Variants in DOCK8 observed in about 807,000 individuals in gnomAD.
The protein encoded by DOCK8 is dedicator of cytokinesis 8.
DOCK8 carries 141 observed loss-of-function variants against 245.6 expected under a neutral mutation model. The ratio of observed to expected loss-of-function variants is 0.57; its 90% CI spans 0.50 to 0.66. DOCK8 has a LOEUF of 0.66. Among genes scored for constraint, DOCK8 ranks in the 30% least tolerant of loss-of-function variants. The pLI is 0.00. For synonymous variants in DOCK8, 1,168 were observed against 970.2 expected, an observed-to-expected ratio of 1.20 and a Z score of -3.79; for missense variants, 2,965 against 2,603.4, an observed-to-expected ratio of 1.14 and a Z score of -3.02.
chr9:271,579 A>G, intron 1 of DOCK8, 48 bp from the exon 2 acceptor site: 2 of 1,384,362 alleles, frequency 1.4e-6, no homozygotes, highest in Non-Finnish European at 2.0e-6. Flanking sequence ...AATTGTGATG[A>G]TTTCCTAAAA....
chr9:426,823 C>T lies in DOCK8; in HGVS notation c.4242-62C>T, dbSNP rs545554442. The T allele has an allele frequency of 1.2e-4, 154 of 1,324,456 alleles. No individual in the cohort carries two copies. In the African/African-American group the frequency reaches 2.0e-3, roughly 17 times the overall value. 82.0% of individuals were successfully genotyped at this position (1,324,456 alleles called of 1,614,324 possible). A position where few individuals can be genotyped will look rare whatever the true frequency, so the allele number is the denominator to read the frequency against. ...TCTTTACACCTTGGTGTATAGATTG[C>T]CATCATGGGAACCTGGCCAGGTTTG... On this transcript the variant is annotated intron_variant, in intron 33 of 47. Transcript: ENST00000432829.
chr9:413,774 G>T (rs2055862857), intron 28 of DOCK8, among the ~76,000 whole-genome samples: 1 of 152,178 alleles, frequency 6.6e-6, no homozygotes, highest in African/African-American at 2.4e-5. Context: ...ATAAAATGGA[G>T]TCTTCAGACA....
At chr9:315,197 G>C (rs1464638129) in intron 6 of DOCK8, among the ~76,000 whole-genome samples, 5 of 152,136 alleles carry the variant, frequency 3.3e-5, no homozygotes, top group African/African-American at 1.2e-4. Context: ...GTAAATGAAA[G>C]AATATCATCT....
chr9:444,753 T>G, intron 43 of DOCK8, among the ~76,000 whole-genome samples: 1 of 152,136 alleles, frequency 6.6e-6, no homozygotes, highest in Admixed American at 6.5e-5. Context: ...ACTGAGGAAA[T>G]TCTAAGTGTT....
chr9:254,304 G>A (rs1029583065), intron 1 of DOCK8, among the ~76,000 whole-genome samples: 19 of 152,178 alleles, frequency 1.2e-4, no homozygotes, highest in African/African-American at 4.6e-4. Context: ...GGACTCTGCA[G>A]ATAATATGAG....
At chr9:462,827 T>G (rs1408786768) in intron 46 of DOCK8, among the ~76,000 whole-genome samples, 1 of 152,228 alleles carries the variant, frequency 6.6e-6, no homozygotes, top group African/African-American at 2.4e-5. Flanking sequence ...AGTGAGTTTT[T>G]TGTAAGTGTA....
intron 2 of DOCK8, among the ~76,000 whole-genome samples, chr9:276,383 A>G (rs1026969252): frequency 6.6e-6 from 1 of 152,214 alleles, no homozygotes; most frequent in East Asian, 1.9e-4. Context: ...GATGAGAGGA[A>G]GGGTGTATGT....
At chr9:408,026 G>T (rs529748828) in intron 28 of DOCK8, among the ~76,000 whole-genome samples, 12 of 152,258 alleles carry the variant, frequency 7.9e-5, no homozygotes, top group African/African-American at 2.2e-4. Context: ...TCCCTTCCCA[G>T]GACCCACTCT....
Position 418,185 on chromosome 9 carries a change from G to A in DOCK8, c.3818G>A (p.Ser1273Asn), listed in dbSNP as rs755259505. Residue 1273 changes from serine to asparagine, a missense_variant, in exon 30 of 48, where the codon AGT (serine) becomes AAT (asparagine). Coordinates refer to ENST00000432829, the MANE Select transcript of DOCK8 (RefSeq NM_203447.4). ...GGGAATAATTTCAATTTGAAAACAA[G>A]TGGAATAGTGCTGTCTTCCTTGGTA... ...IAGNNFNLKTSGIVLSSLPYK... is the reference protein window; with the variant it reads ...IAGNNFNLKTNGIVLSSLPYK... The A allele has an allele frequency of 1.2e-6, 2 of 1,614,232 alleles. No individual in the cohort carries two copies. Among genetic ancestry groups the A allele is most frequent in the South Asian group, 1.1e-5 (1 of 91,090 alleles).
At chr9:218,164 G>C (rs867754743) in intron 1 of DOCK8, among the ~76,000 whole-genome samples, 2 of 152,058 alleles carry the variant, frequency 1.3e-5, no homozygotes, top group Non-Finnish European at 2.9e-5. Flanking sequence ...CCAAAAGTAA[G>C]ACTGTGTTGA....
chr9:280,938 A>T (rs1363757812), intron 2 of DOCK8: 1 of 152,238 alleles, frequency 6.6e-6, no homozygotes, highest in Admixed American at 6.5e-5. Context: ...TTGCATTTGC[A>T]GTCTTAAGTA....
At chr9:367,317 C>T (rs2053053699) in intron 14 of DOCK8, among the ~76,000 whole-genome samples, 1 of 152,156 alleles carries the variant, frequency 6.6e-6, no homozygotes, top group Non-Finnish European at 1.5e-5. Context: ...TGTTCTAGTG[C>T]TGGAGATACA....
chr9:401,560 G>A (rs1323446238), intron 26 of DOCK8, among the ~76,000 whole-genome samples: 1 of 152,046 alleles, frequency 6.6e-6, no homozygotes, highest in Non-Finnish European at 1.5e-5. Context: ...GATTTTATGG[G>A]GTCTGCAAAG....
intron 26 of DOCK8, among the ~76,000 whole-genome samples, chr9:400,949 ACCACCACCACCACCACCTCCT>A (rs1306867590): frequency 7.6e-4 from 86 of 113,452 alleles, no homozygotes; most frequent in South Asian, 5.0e-3. Flanking sequence ...CACCACCATC[ACCACCACCACCACCACCTCCT>A]CCACCATCAC....
chr9:262,207 G>T (rs9408082), intron 1 of DOCK8, among the ~76,000 whole-genome samples: 2 of 151,652 alleles, frequency 1.3e-5, no homozygotes, highest in African/African-American at 4.8e-5. Context: ...AACATGTCTA[G>T]TATAATGGCT....
At chr9:270,115 C>T (rs1587695672) in intron 1 of DOCK8, among the ~76,000 whole-genome samples, 1 of 152,194 alleles carries the variant, frequency 6.6e-6, no homozygotes, top group Non-Finnish European at 1.5e-5. Context: ...CTGCATTTCC[C>T]ATTTCCCTCA....
At chr9:340,423 C>G (rs2051527024) in intron 14 of DOCK8, 102 bp downstream of exon 14, 12 of 1,463,654 alleles carry the variant, frequency 8.2e-6, no homozygotes, top group African/African-American at 1.4e-5. Context: ...GAGTTTGAGA[C>G]CAGCCTTGGC....
At chr9:434,252 A>C (rs2056817944) in intron 38 of DOCK8, among the ~76,000 whole-genome samples, 1 of 152,198 alleles carries the variant, frequency 6.6e-6, no homozygotes, top group Admixed American at 6.5e-5. Flanking sequence ...GAATCAGAGA[A>C]AGAATAATTA....
intron 1 of DOCK8, among the ~76,000 whole-genome samples, chr9:220,088 G>A (rs1022706895): frequency 1.3e-5 from 2 of 152,210 alleles, no homozygotes; most frequent in African/African-American, 4.8e-5. Context: ...GGGGTGGCTG[G>A]CAGAGTGAGG....
Sources: allele counts gnomAD v4.1 joint callset (sites outside exome capture counted in the v4.1 genomes callset), GRCh38; gene constraint gnomAD v4.1.1; transcripts MANE v1.5; gene names NCBI Gene and HGNC (gene_info 2026-07-23, HGNC 2026-07-21).